The following LONP1 variants were observed in gnomAD, a reference collection of about 807,000 sequenced individuals.
The protein encoded by LONP1 is lon peptidase 1, mitochondrial, also known as lon protease homolog, mitochondrial.
In LONP1, 31 loss-of-function variants were observed where a neutral mutation model predicts 98.5. That is an observed-to-expected ratio of 0.31 (90% CI 0.24 to 0.42). LONP1 has a LOEUF of 0.42. Ranked by LOEUF, LONP1 falls within the 20% of genes least tolerant of loss-of-function variation. The probability of loss-of-function intolerance (pLI) is 1.00; values close to 1 mark genes in which losing one functional copy is unlikely to be tolerated. For synonymous variants in LONP1, 781 were observed against 594.7 expected (o/e 1.31, Z -4.56); for missense variants, 1,336 against 1,350.6 (o/e 0.99, Z 0.17).
intron 8 of LONP1, among the ~76,000 whole-genome samples, chr19:5,701,347 C>CTTTCCCTCTTTCCATGG (rs2055038923): frequency 6.6e-6 from 1 of 152,112 alleles, no homozygotes; most frequent in Non-Finnish European, 1.5e-5. Context: ...ACGGTCTCCC[C>CTTTCCCTCTTTCCATGG]TTTCCCTCTT....
intron 8 of LONP1, among the ~76,000 whole-genome samples, chr19:5,702,217 C>A (rs1302155196): frequency 1.3e-5 from 2 of 149,878 alleles, no homozygotes; most frequent in Non-Finnish European, 3.0e-5. Context: ...GGGTCAGCCC[C>A]CCGCCCGGCT....
intron 8 of LONP1, among the ~76,000 whole-genome samples, chr19:5,702,607 C>T (rs183851359): frequency 3.3e-5 from 5 of 151,854 alleles, no homozygotes; most frequent in Non-Finnish European, 5.9e-5. Flanking sequence ...ATTGAGAAAT[C>T]GGATGGTTGC....
rs147720943 is a variant in LONP1 at position 5,693,544 on chromosome 19, G to T, written c.2538+8C>A. The T allele has an allele frequency of 3.4e-5, 55 of 1,613,978 alleles. No individual in the cohort carries two copies. In the South Asian group the frequency reaches 5.5e-4, roughly 16 times the overall value. Reference sequence around the variant, plus strand: ...GCGGGAGCAGGTGGGAGCGGATGGCGCGGTCACCTCGGGCACATGCAGGTG... The same window carrying T: ...GCGGGAGCAGGTGGGAGCGGATGGCTCGGTCACCTCGGGCACATGCAGGTG... On this transcript the variant is annotated splice_region_variant and intron_variant, in intron 16 of 17. Transcript: ENST00000360614.
At chr19:5,695,943 C>T (rs2054918806) in intron 13 of LONP1, 111 bp downstream of exon 13, 2 of 894,864 alleles carry the variant, frequency 2.2e-6, no homozygotes, top group African/African-American at 1.7e-5. Flanking sequence ...GGCCGCAGGT[C>T]CCACCTGTCT....
At chr19:5,693,806 C>T (rs753796313) in intron 15 of LONP1, 37 bp from the exon 16 acceptor site, 32 of 1,574,878 alleles carry the variant, frequency 2.0e-5, no homozygotes, top group Non-Finnish European at 2.3e-5. Flanking sequence ...CGGGAGGCCT[C>T]GGAGCCCAGG....
At chr19:5,709,890 C>T (rs1284375442) in intron 4 of LONP1, among the ~76,000 whole-genome samples, 9 of 109,406 alleles carry the variant, frequency 8.2e-5, no homozygotes, top group East Asian at 2.9e-4. Context: ...CCAGCCTGGG[C>T]GACAGAGGCT....
intron 8 of LONP1, among the ~76,000 whole-genome samples, chr19:5,703,716 G>T (rs377140836): frequency 2.6e-5 from 4 of 151,962 alleles, no homozygotes; most frequent in South Asian, 2.1e-4. Flanking sequence ...GACACAGGCA[G>T]TGACACTTTG....
chr19:5,708,267 GC>G, intron 5 of LONP1, 74 bp downstream of exon 5: 1 of 1,451,494 alleles, frequency 6.9e-7, no homozygotes. Context: ...CGCTGAGGAA[GC>G]CCCCTACCCA....
chr19:5,713,378 C>T (rs183047960), intron 2 of LONP1, 125 bp from the exon 3 acceptor site: 178 of 1,248,604 alleles, frequency 1.4e-4, no homozygotes, highest in Non-Finnish European at 1.9e-4. Flanking sequence ...AAACCAAGAG[C>T]GGCCTCCTTG....
chr19:5,705,353 G>A lies in LONP1; in HGVS notation c.1367+419C>T, dbSNP rs540605660. ...CATGCCTATAGTCCCAGATACTTGG[G>A]GGACTGAAGCAGGAGAATTGCTTGA... On this transcript the variant is annotated intron_variant, in intron 8 of 17. Transcript: ENST00000360614. Among the ~76,000 whole-genome samples the A allele has an allele frequency of 1.7e-3, 257 of 152,124 alleles. 1 individual carries two copies. Among genetic ancestry groups the A allele is most frequent in the African/African-American group, 5.8e-3 (239 of 41,480 alleles).
At chr19:5,696,447 A>G in intron 11 of LONP1, 76 bp from the exon 12 acceptor site, 1 of 1,544,280 alleles carries the variant, frequency 6.5e-7, no homozygotes, top group Non-Finnish European at 8.8e-7. Flanking sequence ...CCCCAGGGTC[A>G]GGGCTGGGGA....
At chr19:5,709,907 C>CAAAAAAAAAAAAAAAAAAAAAAAAAAAAA (rs755774542) in intron 4 of LONP1, among the ~76,000 whole-genome samples, 1 of 38,670 alleles carries the variant, frequency 2.6e-5, no homozygotes, top group Non-Finnish European at 4.3e-5. Context: ...GGCTCCATCT[C>CAAAAAAAAAAAAAAAAAAAAAAAAAAAAA]AAAAAAAAAA....
chr19:5,720,269 GGAGAA>G (rs2055421777), upstream of LONP1: 6 of 1,220,486 alleles, frequency 4.9e-6, no homozygotes, highest in Admixed American at 3.6e-5. Context: ...GGGCCTACGC[GGAGAA>G]GAGGGGGCGG....
rs201965732 is a variant in LONP1 at position 5,694,372 on chromosome 19, C to A, written c.2320+15G>T. 2 of 1,609,948 alleles carry A rather than the reference C, an allele frequency of 1.2e-6. No homozygotes were observed. The highest frequency in any genetic ancestry group is 3.3e-5 in the Admixed American group (2 of 59,958). On this transcript the variant is annotated intron_variant, in intron 15 of 17. Transcript: ENST00000360614. ...TGGGAATGGCTTTGGGGTCTTCTCC[C>A]GCCACCACGCTCACCCATTGCGGTC... is the stretch of plus-strand genomic sequence containing the variant.
In LONP1 at chr19:5,705,691, C is replaced by T. The variant is rs780993157; in HGVS notation, c.1367+81G>A. On this transcript the variant is annotated intron_variant, in intron 8 of 17. Coordinates refer to ENST00000360614, the MANE Select transcript of LONP1 (RefSeq NM_004793.4). ...ACCAAGAAGGTGCCACGGGGCTCCC[C>T]GCTGGGTCCCCTGGCCTGCCTAAGA... 5.9e-4 allele frequency: 782 copies of T among 1,329,150 alleles called. 2 individuals carry two copies. Among genetic ancestry groups the T allele is most frequent in the Non-Finnish European group, 7.2e-4 (679 of 944,494 alleles). 82.3% of individuals were successfully genotyped at this position (1,329,150 alleles called of 1,614,324 possible). A position where few individuals can be genotyped will look rare whatever the true frequency, so the allele number is the denominator to read the frequency against.
intron 4 of LONP1, among the ~76,000 whole-genome samples, chr19:5,710,020 C>T (rs1313912447): frequency 6.6e-6 from 1 of 150,780 alleles, no homozygotes; most frequent in East Asian, 1.9e-4. Context: ...TTGCAAGATT[C>T]TCACAGGGAA....
chr19:5,692,161 C>G lies in LONP1; in HGVS notation c.2751G>C (p.Lys917Asn), dbSNP rs774626026. Residue 917 changes from lysine to asparagine, a missense_variant, in exon 18 of 18, where the codon AAG (lysine) becomes AAC (asparagine). Physicochemically the swap from Lys to Asn is moderately conservative, Grantham distance 94 (BLOSUM62 0). This residue lies in a region of LONP1 where 555 missense variants were observed against 542.6 expected (regional missense o/e 1.02). Coordinates refer to ENST00000360614, the MANE Select transcript of LONP1 (RefSeq NM_004793.4). Reference sequence around the variant, plus strand: ...AGGCTGCCAGGTCGTAGAAGTCCTTCTTGTTCTCGGCTGGCAGGACGATGC... The same window carrying G: ...AGGCTGCCAGGTCGTAGAAGTCCTTGTTGTTCTCGGCTGGCAGGACGATGC... ...VTCIVLPAEN[K>N]KDFYDLAAFI... 18 of 1,614,012 alleles carry G rather than the reference C, an allele frequency of 1.1e-5. No individual in the cohort carries two copies. The highest frequency in any genetic ancestry group is 1.4e-5 in the Non-Finnish European group (17 of 1,179,988).
chr19:5,719,567 A>C (rs756407966), intron 1 of LONP1, 137 bp downstream of exon 1: 2 of 1,492,508 alleles, frequency 1.3e-6, no homozygotes, highest in Non-Finnish European at 1.8e-6. Flanking sequence ...TGAGCAGACA[A>C]GGATTCGAAC....
At position 5,694,372 on chromosome 19, in the gene LONP1, C is replaced by G. The variant is rs201965732; in HGVS notation, c.2320+15G>C. On this transcript the variant is annotated intron_variant, in intron 15 of 17. Transcript: ENST00000360614. Reference sequence around the variant, plus strand: ...TGGGAATGGCTTTGGGGTCTTCTCCCGCCACCACGCTCACCCATTGCGGTC... The same window carrying G: ...TGGGAATGGCTTTGGGGTCTTCTCCGGCCACCACGCTCACCCATTGCGGTC... The G allele has an allele frequency of 1.1e-3, 1,825 of 1,609,946 alleles. 24 individuals are homozygous for G. In the South Asian group the frequency reaches 0.013, roughly 12 times the overall value.
Sources: gnomAD v4.1 joint callset for allele counts (sites outside exome capture counted in the v4.1 genomes callset) on GRCh38, gnomAD v4.1.1 for gene constraint, gnomAD v4.1.1 regional missense constraint, MANE v1.5 for transcripts, NCBI Gene and HGNC (gene_info 2026-07-23, HGNC 2026-07-21) for gene names.